CSMD3: variants seen among roughly 807,000 people sequenced by gnomAD.
CSMD3 encodes the protein CUB and sushi domain-containing protein 3.
CSMD3 carries 177 observed loss-of-function variants against 435.2 expected under a neutral mutation model. That is an observed-to-expected ratio of 0.41 (90% CI 0.36 to 0.46). The LOEUF (loss-of-function observed/expected upper bound fraction) is 0.46, where lower values mean the gene tolerates loss of function less well. CSMD3 is among the 20% of genes least tolerant of loss of function. The pLI, the probability that CSMD3 is intolerant of heterozygous loss-of-function variation, is 0.34. For synonymous variants in CSMD3, 1,656 were observed against 1,520.5 expected (o/e 1.09, Z -2.07); for missense variants, 4,265 against 4,504.6 (o/e 0.95, Z 1.52).
intron 27 of CSMD3, among the ~76,000 whole-genome samples, chr8:112,534,313 C>T (rs924177605): frequency 4.6e-5 from 7 of 151,970 alleles, no homozygotes; most frequent in South Asian, 4.2e-4. Context: ...AAGAATCAAA[C>T]AGACACAATA....
chr8:112,732,460 G>A (rs563907193), intron 13 of CSMD3, among the ~76,000 whole-genome samples: 2 of 152,102 alleles, frequency 1.3e-5, no homozygotes, highest in South Asian at 2.1e-4. Flanking sequence ...GCTGGGTGTG[G>A]TGGCTCATGC....
chr8:112,521,734 T>G (rs1026084786), intron 27 of CSMD3, among the ~76,000 whole-genome samples: 1 of 151,948 alleles, frequency 6.6e-6, no homozygotes, highest in Non-Finnish European at 1.5e-5. Context: ...ATTTAACTTC[T>G]GTACTTAGAT....
intron 16 of CSMD3, among the ~76,000 whole-genome samples, chr8:112,676,225 T>G (rs2075766971): frequency 6.6e-6 from 1 of 151,990 alleles, no homozygotes; most frequent in Admixed American, 6.6e-5. Flanking sequence ...AGGCTAGAGA[T>G]GTAAATTTGA....
chr8:113,265,536 C>T lies in CSMD3; in HGVS notation c.514+13056G>A, dbSNP rs73335582. 3.6e-3 allele frequency among the ~76,000 whole-genome samples: 540 copies of T among 151,590 alleles called. 2 individuals carry two copies. The highest frequency in any genetic ancestry group is 0.012 in the African/African-American group (499 of 41,460). ...ATGTCTAAAAGCATCTATAGTATTG[C>T]TAATCTGTTGAAACTTTCCTGTTAA... On this transcript the variant is annotated intron_variant, in intron 3 of 70. Transcript: ENST00000297405.
chr8:113,116,531 A>G (rs1043121209), intron 4 of CSMD3, among the ~76,000 whole-genome samples: 3 of 152,174 alleles, frequency 2.0e-5, no homozygotes, highest in Non-Finnish European at 4.4e-5. Context: ...ACAGACTTAT[A>G]CAGTTAATTG....
At chr8:113,163,100 T>C (rs1180352176) in intron 4 of CSMD3, among the ~76,000 whole-genome samples, 1 of 152,128 alleles carries the variant, frequency 6.6e-6, no homozygotes, top group Non-Finnish European at 1.5e-5. Flanking sequence ...AATACAAATA[T>C]AATAAAACTA....
At chr8:113,232,821 G>A (rs1477524785) in intron 3 of CSMD3, among the ~76,000 whole-genome samples, 1 of 151,676 alleles carries the variant, frequency 6.6e-6, no homozygotes, top group African/African-American at 2.4e-5. Flanking sequence ...AAGAAAAAAA[G>A]AGGAAACAGT....
At chr8:113,152,700 C>T (rs2091836589) in intron 4 of CSMD3, among the ~76,000 whole-genome samples, 1 of 152,004 alleles carries the variant, frequency 6.6e-6, no homozygotes, top group African/African-American at 2.4e-5. Flanking sequence ...TGACTTTTGG[C>T]TGTGTGCAGT....
chr8:113,122,376 T>A (rs1010323966), intron 4 of CSMD3, among the ~76,000 whole-genome samples: 1 of 152,112 alleles, frequency 6.6e-6, no homozygotes, highest in Non-Finnish European at 1.5e-5. Context: ...CAGGATAATG[T>A]CTCTGCCAAC....
chr8:113,054,140 G>T (rs2088216272), intron 5 of CSMD3, among the ~76,000 whole-genome samples: 1 of 151,784 alleles, frequency 6.6e-6, no homozygotes, highest in Non-Finnish European at 1.5e-5. Flanking sequence ...TTTTAATCTG[G>T]CTTAGAGTTC....
intron 19 of CSMD3, among the ~76,000 whole-genome samples, chr8:112,646,666 C>A (rs1161235141): frequency 6.6e-6 from 1 of 152,012 alleles, no homozygotes; most frequent in Non-Finnish European, 1.5e-5. Context: ...AACAAACATT[C>A]GTACTATTAC....
intron 45 of CSMD3, among the ~76,000 whole-genome samples, chr8:112,334,804 TC>T (rs769165645): frequency 2.6e-5 from 4 of 152,156 alleles, no homozygotes; most frequent in African/African-American, 4.8e-5. Flanking sequence ...CATAAATTAT[TC>T]CACAGCAGTA....
chr8:112,600,497 T>A (rs528679993), intron 22 of CSMD3, among the ~76,000 whole-genome samples: 1 of 152,302 alleles, frequency 6.6e-6, no homozygotes, highest in East Asian at 1.9e-4. Context: ...AATGTTTCTA[T>A]ATAAATATTC....
chr8:112,383,408 A>G (rs1202507298), intron 37 of CSMD3, among the ~76,000 whole-genome samples, 159 bp downstream of exon 37: 1 of 152,214 alleles, frequency 6.6e-6, no homozygotes, highest in African/African-American at 2.4e-5. Context: ...CAATATTGAT[A>G]TCATCTTTAA....
intron 4 of CSMD3, among the ~76,000 whole-genome samples, chr8:113,140,843 A>T (rs2091531188): frequency 6.6e-6 from 1 of 151,106 alleles, no homozygotes; most frequent in South Asian, 2.1e-4. Context: ...CACCTCAACA[A>T]CCTAAAGAAG....
rs137918160 is a variant in CSMD3, at chr8:113,048,256, C to G, written c.918-29077G>C. ...TACAGGCGCCCACTAACACGCCCAGCTAATTTGTTTGTATTTTTAGTAGAG... is the reference window on the plus strand; with the variant it reads ...TACAGGCGCCCACTAACACGCCCAGGTAATTTGTTTGTATTTTTAGTAGAG... On this transcript the variant is annotated intron_variant, in intron 5 of 70. Coordinates refer to ENST00000297405, the MANE Select transcript of CSMD3 (RefSeq NM_198123.2). 6.1e-4 allele frequency among the ~76,000 whole-genome samples: 92 copies of G among 152,042 alleles called. No homozygotes were observed. In the Middle Eastern group the frequency reaches 0.01, roughly 17 times the overall value.
chr8:112,526,923 A>T (rs971485647), intron 27 of CSMD3, among the ~76,000 whole-genome samples: 3 of 151,982 alleles, frequency 2.0e-5, no homozygotes, highest in Non-Finnish European at 2.9e-5. Context: ...ACATAATGAC[A>T]GGTTTTCATA....
chr8:113,111,246 A>G (rs1042977893), intron 4 of CSMD3, among the ~76,000 whole-genome samples: 1 of 152,112 alleles, frequency 6.6e-6, no homozygotes, highest in Non-Finnish European at 1.5e-5. Flanking sequence ...GATTATATAT[A>G]TATTTATGGG....
chr8:112,464,519 C>T (rs992783634), intron 32 of CSMD3, among the ~76,000 whole-genome samples: 1 of 151,912 alleles, frequency 6.6e-6, no homozygotes, highest in Admixed American at 6.5e-5. Context: ...GGTAAGGAGA[C>T]CTTCCCTCCT....
Sources: allele counts gnomAD v4.1 joint callset (sites outside exome capture counted in the v4.1 genomes callset), GRCh38; gene constraint gnomAD v4.1.1; transcripts MANE v1.5; gene names NCBI Gene and HGNC (gene_info 2026-07-23, HGNC 2026-07-21).